Variants in GPC5 observed in about 807,000 individuals in gnomAD.
GPC5 encodes the protein glypican-5.
In GPC5, 47 loss-of-function variants were observed where a neutral mutation model predicts 53.9. The ratio of observed to expected loss-of-function variants is 0.87; its 90% confidence interval spans 0.69 to 1.11. The LOEUF is 1.11. Ranked by LOEUF, GPC5 falls within the 50% of genes most tolerant of loss-of-function variation. GPC5 has a pLI of 0.00. For missense variants in GPC5, 748 were observed against 713.1 expected (o/e 1.05, Z -0.56); for synonymous variants, 286 against 263.3 (o/e 1.09, Z -0.84).
At chr13:91,782,071 T>C (rs1231946453) in intron 5 of GPC5, among the ~76,000 whole-genome samples, 1 of 152,202 alleles carries the variant, frequency 6.6e-6, no homozygotes, top group Non-Finnish European at 1.5e-5. Flanking sequence ...ATTATATATA[T>C]TTTTACCTGC....
intron 6 of GPC5, among the ~76,000 whole-genome samples, chr13:91,921,232 C>T (rs188008324): frequency 7.2e-4 from 110 of 152,120 alleles, no homozygotes; most frequent in African/African-American, 2.3e-3. Flanking sequence ...CCGTCACTCC[C>T]GGACCAATTT....
chr13:91,573,919 T>C (rs1356726701), intron 2 of GPC5, among the ~76,000 whole-genome samples: 6 of 152,196 alleles, frequency 3.9e-5, no homozygotes, highest in African/African-American at 1.4e-4. Context: ...TGTGTATATG[T>C]CTATCTATGT....
At chr13:91,788,846 T>G (rs1323678605) in intron 5 of GPC5, among the ~76,000 whole-genome samples, 2 of 152,198 alleles carry the variant, frequency 1.3e-5, no homozygotes, top group Non-Finnish European at 2.9e-5. Context: ...AAAGGAAACT[T>G]TGTGTTACAT....
At chr13:91,753,193 A>G (rs894013260) in intron 4 of GPC5, among the ~76,000 whole-genome samples, 3 of 152,204 alleles carry the variant, frequency 2.0e-5, no homozygotes, top group African/African-American at 7.2e-5. Context: ...AGAAACAATA[A>G]GGCCTGATTA....
intron 7 of GPC5, among the ~76,000 whole-genome samples, chr13:92,767,701 T>G (rs990489162): frequency 2.0e-5 from 3 of 152,126 alleles, no homozygotes; most frequent in Non-Finnish European, 4.4e-5. Context: ...TTATTCTTTC[T>G]CTTTCATTTT....
rs566105715 is a variant in GPC5, at chr13:92,445,088, A to G, written c.1561+300099A>G. ...ATAACTACCAACTATAGGCTGTATC[A>G]TTGGTCTTTATTTTTCTCTGTATTT... On this transcript the variant is annotated intron_variant, in intron 7 of 7. Coordinates refer to ENST00000377067, the MANE Select transcript of GPC5 (RefSeq NM_004466.6). Among the ~76,000 whole-genome samples, 763 of 152,146 alleles carry G rather than the reference A, an allele frequency of 5.0e-3. 5 individuals carry two copies. The highest frequency in any genetic ancestry group is 0.015 in the South Asian group (73 of 4,812).
chr13:91,624,253 A>C (rs2033940791), intron 2 of GPC5, among the ~76,000 whole-genome samples: 1 of 152,152 alleles, frequency 6.6e-6, no homozygotes, highest in Non-Finnish European at 1.5e-5. Context: ...ATTTATGAGA[A>C]GCCCAAGAGT....
intron 7 of GPC5, among the ~76,000 whole-genome samples, chr13:92,157,417 G>A (rs2041952703): frequency 6.6e-6 from 1 of 152,104 alleles, no homozygotes; most frequent in South Asian, 2.1e-4. Flanking sequence ...TTTGCTAATT[G>A]GTATTTATGA....
At chr13:91,512,132 C>T (rs1349694499) in intron 2 of GPC5, among the ~76,000 whole-genome samples, 1 of 152,136 alleles carries the variant, frequency 6.6e-6, no homozygotes, top group African/African-American at 2.4e-5. Flanking sequence ...ATTAGCAGAG[C>T]TTGTGATCAA....
chr13:91,591,155 T>A (rs1031874396), intron 2 of GPC5, among the ~76,000 whole-genome samples: 1 of 152,192 alleles, frequency 6.6e-6, no homozygotes, highest in African/African-American at 2.4e-5. Flanking sequence ...CGGTCAACCT[T>A]CTATTCTTCT....
intron 5 of GPC5, among the ~76,000 whole-genome samples, chr13:91,773,671 T>C (rs2037663272): frequency 6.6e-6 from 1 of 152,202 alleles, no homozygotes; most frequent in South Asian, 2.1e-4. Flanking sequence ...TGACCAAAAG[T>C]TCTTGCCTAG....
intron 7 of GPC5, among the ~76,000 whole-genome samples, chr13:92,662,664 G>C (rs550817225): frequency 6.6e-6 from 1 of 152,140 alleles, no homozygotes; most frequent in African/African-American, 2.4e-5. Flanking sequence ...TAAAAAGGTC[G>C]TGAAGTGCCT....
intron 6 of GPC5, among the ~76,000 whole-genome samples, chr13:92,125,193 G>A (rs2041684895): frequency 6.6e-6 from 1 of 152,146 alleles, no homozygotes; most frequent in African/African-American, 2.4e-5. Flanking sequence ...GCCAACAACT[G>A]TGTGAGTGAA....
intron 2 of GPC5, among the ~76,000 whole-genome samples, chr13:91,593,751 C>A (rs1220173283): frequency 6.6e-6 from 1 of 151,808 alleles, no homozygotes; most frequent in African/African-American, 2.4e-5. Context: ...TGATTTTTTT[C>A]AATCAGTGAA....
intron 1 of GPC5, among the ~76,000 whole-genome samples, chr13:91,407,735 T>G (rs1877430684): frequency 6.6e-6 from 1 of 152,192 alleles, no homozygotes; most frequent in African/African-American, 2.4e-5. Context: ...TAAAGGACAC[T>G]GACTTGGAGT....
At chr13:91,948,905 T>C (rs1246785654) in intron 6 of GPC5, among the ~76,000 whole-genome samples, 1 of 152,218 alleles carries the variant, frequency 6.6e-6, no homozygotes, top group East Asian at 1.9e-4. Context: ...TTTTCTTTTG[T>C]GCATTTATTA....
chr13:92,721,183 A>G (rs1203234586), intron 7 of GPC5, among the ~76,000 whole-genome samples: 1 of 151,876 alleles, frequency 6.6e-6, no homozygotes, highest in Non-Finnish European at 1.5e-5. Context: ...AGATGACCAC[A>G]AGCTAGTCTT....
chr13:91,567,100 A>G (rs904082621), intron 2 of GPC5, among the ~76,000 whole-genome samples: 1 of 152,032 alleles, frequency 6.6e-6, no homozygotes, highest in Non-Finnish European at 1.5e-5. Context: ...CTGTATTTGG[A>G]TCTTTCTCAG....
intron 7 of GPC5, among the ~76,000 whole-genome samples, chr13:92,703,616 A>C (rs942471480): frequency 1.3e-5 from 2 of 148,372 alleles, no homozygotes; most frequent in African/African-American, 4.9e-5. Flanking sequence ...ATTAAAATTG[A>C]TGTATAATTT....
Sources: gnomAD v4.1 joint callset for allele counts (sites outside exome capture counted in the v4.1 genomes callset) on GRCh38, gnomAD v4.1.1 for gene constraint, MANE v1.5 for transcripts, NCBI Gene and HGNC (gene_info 2026-07-23, HGNC 2026-07-21) for gene names.